EFCAB5: variants seen among roughly 807,000 people sequenced by gnomAD.
EFCAB5 encodes the protein EF-hand calcium binding domain 5.
EFCAB5 carries 131 observed loss-of-function variants against 167.9 expected under a neutral mutation model. That is an observed-to-expected ratio of 0.78 (90% CI 0.68 to 0.90). The LOEUF (loss-of-function observed/expected upper bound fraction) is 0.90. EFCAB5 is among the 40% of genes least tolerant of loss of function. The probability of loss-of-function intolerance (pLI) is 0.00; values close to 1 mark genes in which losing one functional copy is unlikely to be tolerated. For synonymous variants in EFCAB5, 574 were observed against 602.8 expected, an observed-to-expected ratio of 0.95 and a Z score of 0.70; for missense variants, 1,663 against 1,745.2, an observed-to-expected ratio of 0.95 and a Z score of 0.84.
intron 4 of EFCAB5, among the ~76,000 whole-genome samples, chr17:29,978,014 A>T (rs1204952739): frequency 6.6e-6 from 1 of 152,124 alleles, no homozygotes; most frequent in African/African-American, 2.4e-5. Flanking sequence ...ACTCATCCTT[A>T]CAAGATGCCA....
intron 18 of EFCAB5, among the ~76,000 whole-genome samples, chr17:30,083,738 G>A (rs2071034914): frequency 6.6e-6 from 1 of 152,192 alleles, no homozygotes; most frequent in African/African-American, 2.4e-5. Context: ...ACAGGCGTGA[G>A]CCACAGTGCC....
At chr17:29,957,915 G>A (rs2067649640) in intron 3 of EFCAB5, among the ~76,000 whole-genome samples, 1 of 152,170 alleles carries the variant, frequency 6.6e-6, no homozygotes, top group African/African-American at 2.4e-5. Flanking sequence ...TCACCACACT[G>A]TCTTCCACAA....
rs943537253 is a variant in EFCAB5, at chr17:30,059,456, C to T, written c.2581-89C>T. On this transcript the variant is annotated intron_variant, in intron 13 of 22. Coordinates refer to ENST00000394835, the MANE Select transcript of EFCAB5 (RefSeq NM_198529.4). ...AAAGTAAACCTGTTTTAATAGAAGA[C>T]GCTGGACTTTTTTTGGAATAAACAC... The T allele has an allele frequency of 9.6e-5, 130 of 1,358,792 alleles. No individual in the cohort carries two copies. In the Admixed American group the frequency reaches 1.7e-3, roughly 18 times the overall value. 84.2% of individuals were successfully genotyped at this position (1,358,792 alleles called of 1,614,324 possible).
At chr17:30,085,491 C>T (rs190181308) in intron 18 of EFCAB5, among the ~76,000 whole-genome samples, 121 of 152,210 alleles carry the variant, frequency 7.9e-4, no homozygotes, top group Non-Finnish European at 1.1e-3. Flanking sequence ...GAGGCTGAGG[C>T]GGGCAGATCA....
chr17:30,079,985 G>T, intron 15 of EFCAB5, 87 bp from the exon 16 acceptor site: 1 of 1,457,310 alleles, frequency 6.9e-7, no homozygotes, highest in Non-Finnish European at 9.2e-7. Context: ...ACTGGGGCAA[G>T]ATGCATGAAT....
At chr17:30,042,153 C>T (rs993214646) in intron 8 of EFCAB5, among the ~76,000 whole-genome samples, 16 of 151,834 alleles carry the variant, frequency 1.1e-4, no homozygotes, top group African/African-American at 3.4e-4. Flanking sequence ...GGATTACAGG[C>T]GCGCACCACC....
At chr17:29,954,190 C>T (rs924889364) in intron 3 of EFCAB5, among the ~76,000 whole-genome samples, 13 of 152,188 alleles carry the variant, frequency 8.5e-5, no homozygotes, top group Admixed American at 7.9e-4. Context: ...TTCAAGCCAG[C>T]TGCAGAAATT....
chr17:30,057,899 T>C lies in EFCAB5; in HGVS notation c.2580+9T>C. ...TGAATGCCTTAGAACAGGTGGGTAA[T>C]ATTATTTATTAATGATACAAGTGAG... On this transcript the variant is annotated intron_variant, in intron 13 of 22. Transcript: ENST00000394835. 1 of 1,603,790 alleles carries C rather than the reference T, an allele frequency of 6.2e-7. No homozygotes were observed. The highest frequency in any genetic ancestry group is 8.5e-7 in the Non-Finnish European group (1 of 1,173,650).
At chr17:30,040,139 A>G (rs1039988563) in intron 8 of EFCAB5, among the ~76,000 whole-genome samples, 4 of 152,190 alleles carry the variant, frequency 2.6e-5, no homozygotes, top group African/African-American at 4.8e-5. Flanking sequence ...CATGGAGTGC[A>G]TGGTAGCTCT....
intron 4 of EFCAB5, among the ~76,000 whole-genome samples, chr17:29,983,616 G>GGTTAT (rs1234518422): frequency 4.6e-5 from 7 of 152,146 alleles, no homozygotes; most frequent in Non-Finnish European, 1.0e-4. Context: ...TCTGCTTATA[G>GGTTAT]GTTATGTCTA....
chr17:29,981,832 T>A (rs2151609060), intron 4 of EFCAB5, among the ~76,000 whole-genome samples: 1 of 152,312 alleles, frequency 6.6e-6, no homozygotes, highest in East Asian at 1.9e-4. Context: ...AATTTTTAAC[T>A]TTGAAATATC....
intron 3 of EFCAB5, among the ~76,000 whole-genome samples, chr17:29,954,774 C>A (rs969094055): frequency 3.3e-5 from 5 of 152,258 alleles, no homozygotes; most frequent in Admixed American, 3.3e-4. Context: ...CCTGGAAAAG[C>A]CAGAGACGTT....
intron 7 of EFCAB5, among the ~76,000 whole-genome samples, chr17:30,023,608 A>G (rs931474775): frequency 1.3e-5 from 2 of 152,106 alleles, no homozygotes; most frequent in Non-Finnish European, 2.9e-5. Context: ...AGGTACAAGG[A>G]GGAACTGGTA....
At chr17:29,953,884 A>G (rs566596340) in intron 3 of EFCAB5, among the ~76,000 whole-genome samples, 25 of 152,372 alleles carry the variant, frequency 1.6e-4, no homozygotes, top group African/African-American at 5.8e-4. Flanking sequence ...TGGACAATAA[A>G]GTTCAGACTG....
In EFCAB5 at chr17:30,044,230, C is replaced by T. The variant is rs746447312; in HGVS notation, c.1201-6888C>T. On this transcript the variant is annotated intron_variant, in intron 8 of 22. Coordinates refer to ENST00000394835, the MANE Select transcript of EFCAB5 (RefSeq NM_198529.4). ...ATCAGATAAATAATCATCAATTTTT[C>T]ATGCAAACTGAAGCCACAGTGAGAT... Among the ~76,000 whole-genome samples the T allele has an allele frequency of 9.5e-4, 145 of 152,150 alleles. 1 individual carries two copies. The highest frequency in any genetic ancestry group is 1.8e-3 in the Non-Finnish European group (121 of 67,996).
At chr17:30,000,384 G>A (rs1351110608) in intron 7 of EFCAB5, among the ~76,000 whole-genome samples, 1 of 152,102 alleles carries the variant, frequency 6.6e-6, no homozygotes, top group African/African-American at 2.4e-5. Context: ...GATGCAGAAA[G>A]GTTAAATAAC....
intron 14 of EFCAB5, among the ~76,000 whole-genome samples, chr17:30,060,760 A>G (rs1597744489): frequency 6.6e-6 from 1 of 152,238 alleles, no homozygotes; most frequent in Non-Finnish European, 1.5e-5. Context: ...TGAAATTCCA[A>G]AAGGCATAAT....
At chr17:29,972,886 C>G (rs2067987580) in intron 4 of EFCAB5, 2 of 182,240 alleles carry the variant, frequency 1.1e-5, no homozygotes, top group South Asian at 2.6e-4. Flanking sequence ...GATACCCTGA[C>G]AGGGTTGAGG....
intron 14 of EFCAB5, chr17:30,069,667 C>T: frequency 6.7e-7 from 1 of 1,486,204 alleles, no homozygotes; most frequent in East Asian, 2.4e-5. Context: ...CGAGAGTCTG[C>T]ATGGGCGCTC....
Sources: allele counts gnomAD v4.1 joint callset (sites outside exome capture counted in the v4.1 genomes callset), GRCh38; gene constraint gnomAD v4.1.1; transcripts MANE v1.5; gene names NCBI Gene and HGNC (gene_info 2026-07-23, HGNC 2026-07-21).